Variants in CLASRP observed in about 807,000 individuals in gnomAD.
CLASRP encodes CLK4 associating serine/arginine rich protein, also known as CLK4-associating serine/arginine rich protein.
CLASRP carries 52 observed loss-of-function variants against 99.9 expected under a neutral mutation model. That is an observed-to-expected ratio of 0.52 (90% CI 0.42 to 0.66). CLASRP has a LOEUF of 0.66. CLASRP is among the 30% of genes least tolerant of loss of function. The pLI, the probability that CLASRP is intolerant of heterozygous loss-of-function variation, is 0.00. For missense variants in CLASRP, 848 were observed against 999.2 expected (o/e 0.85, Z 2.04); for synonymous variants, 379 against 373.0 (o/e 1.02, Z -0.18).
chr19:45,043,381 C>T (rs1381405604), intron 2 of CLASRP, among the ~76,000 whole-genome samples: 4 of 129,126 alleles, frequency 3.1e-5, no homozygotes, highest in Non-Finnish European at 6.2e-5. Flanking sequence ...CACTGCACTC[C>T]AGCCTGGGCG....
intron 18 of CLASRP, 113 bp downstream of exon 18, chr19:45,069,361 A>T: frequency 9.3e-7 from 1 of 1,074,234 alleles, no homozygotes; most frequent in East Asian, 2.5e-5. Flanking sequence ...GATGAAAGGC[A>T]GAGATCCCTG....
chr19:45,067,969 C>G lies in CLASRP; in HGVS notation c.1668-46C>G. 7.0e-7 allele frequency: 1 copy of G among 1,435,024 alleles called. No homozygotes were observed. The highest frequency in any genetic ancestry group is 9.8e-7 in the Non-Finnish European group (1 of 1,017,076). 88.9% of individuals were successfully genotyped at this position (1,435,024 alleles called of 1,614,324 possible). On this transcript the variant is annotated intron_variant, in intron 14 of 20. Coordinates refer to ENST00000221455, the MANE Select transcript of CLASRP (RefSeq NM_007056.3). The surrounding 1 kb of genome is among the most constrained non-coding windows in gnomAD (Gnocchi z 4.9). ...AGGCTGGGGTCAGAGGTGGCAGCTG[C>G]CCTTTCCCCCTCCCAACCATGTCCT...
Position 45,052,067 on chromosome 19 carries a change from G to A in CLASRP, c.100-4G>A. 1 of 1,613,584 alleles carries A rather than the reference G, an allele frequency of 6.2e-7. No homozygotes were observed. The highest frequency in any genetic ancestry group is 8.5e-7 in the Non-Finnish European group (1 of 1,179,818). ...GGTGACCTCAGTCCTGTTTACCCCT[G>A]CAGAAGAAGGACCCAGCCCAGTTCC... On this transcript the variant is annotated splice_region_variant and splice_polypyrimidine_tract_variant and intron_variant, in intron 2 of 20. Coordinates refer to ENST00000221455, the MANE Select transcript of CLASRP (RefSeq NM_007056.3).
rs1410502736 is a variant in CLASRP at position 45,064,107 on chromosome 19, G to A, written c.1001G>A (p.Gly334Asp). 4.3e-6 allele frequency: 7 copies of A among 1,611,914 alleles called. No individual in the cohort carries two copies. The highest frequency in any genetic ancestry group is 5.9e-6 in the Non-Finnish European group (7 of 1,179,742). Reference protein sequence around the residue: ...EKITFITSFGGSDEEAAAAAA... With the variant: ...EKITFITSFGDSDEEAAAAAA... ...ATCACGTTCATCACCAGTTTTGGGG[G>A]CAGCGATGAGGAGGCAGCCGCAGCC... The change falls in exon 12 of 21, where the codon GGC (glycine) becomes GAC (aspartate). Residue 334 changes from glycine (G) to aspartate (D), a missense_variant. This residue lies in a region of CLASRP where 489 missense variants were observed against 434.7 expected (regional missense o/e 1.12). Coordinates refer to ENST00000221455, the MANE Select transcript of CLASRP (RefSeq NM_007056.3).
intron 10 of CLASRP, 33 bp from the exon 11 acceptor site, chr19:45,062,121 C>T (rs749173386): frequency 4.5e-6 from 6 of 1,336,826 alleles, no homozygotes; most frequent in African/African-American, 1.4e-5. Context: ...ATCTTAAGCC[C>T]TAATTTGTCC....
intron 5 of CLASRP, among the ~76,000 whole-genome samples, chr19:45,053,884 T>C (rs1201763360): frequency 1.3e-5 from 2 of 152,152 alleles, no homozygotes; most frequent in Non-Finnish European, 2.9e-5. Flanking sequence ...GCCTCCCAAA[T>C]TGCTGGGATT....
rs565600159 is a variant in CLASRP at position 45,063,436 on chromosome 19, CTTTTTTTTTTTT to C, written c.906-560_906-549del. Among the ~76,000 whole-genome samples the C allele has an allele frequency of 4.5e-4, 19 of 42,390 alleles. No homozygotes were observed. In the South Asian group the frequency reaches 5.0e-3, roughly 11 times the overall value. The allele number at this position is 42,390 out of a possible 152,430, so 27.8% of individuals were successfully genotyped here. A position where few individuals can be genotyped will look rare whatever the true frequency, so the allele number is the denominator to read the frequency against. ...GTGTTTTGTACAGAGATCTGCTTAT[CTTTTTTTTTTTT>C]TTTTTTTTTTTTTTTGAGACGGAGT... On this transcript the variant is annotated intron_variant, in intron 11 of 20. Transcript: ENST00000221455.
chr19:45,066,119 T>G (rs1188436354), intron 13 of CLASRP, among the ~76,000 whole-genome samples: 1 of 152,002 alleles, frequency 6.6e-6, no homozygotes, highest in East Asian at 2.0e-4. Context: ...ATAGCTCTTG[T>G]TTCCTTTACT....
At chr19:45,069,629 C>T (rs1027113703) in intron 18 of CLASRP, 1 of 458,110 alleles carries the variant, frequency 2.2e-6, no homozygotes, top group African/African-American at 2.0e-5. Context: ...ACTGTCCCAC[C>T]TCACAGGCTG....
chr19:45,064,278 A>G, intron 12 of CLASRP, 51 bp downstream of exon 12: 1 of 1,523,518 alleles, frequency 6.6e-7, no homozygotes, highest in Non-Finnish European at 8.8e-7. Context: ...CATGGGGGGT[A>G]CCCGGGGCAG....
chr19:45,070,839 A>C lies in CLASRP; in HGVS notation c.2019A>C (p.Arg673=), dbSNP rs1469231247. The part of the protein sequence containing the change: ...SRSRSRSPHY[R]H ...CCCGATCCCGAAGCCCCCATTACCG[A>C]CATTAGGCAGAAGAGTGGGGGGTGG... is the stretch of plus-strand genomic sequence containing the variant. Residue 673 remains arginine, a synonymous_variant, in exon 21 of 21, where the codon CGA becomes CGC. Transcript: ENST00000221455. The C allele has an allele frequency of 3.8e-6, 6 of 1,585,600 alleles. No homozygotes were observed. The highest frequency in any genetic ancestry group is 4.3e-6 in the Non-Finnish European group (5 of 1,157,828).
At chr19:45,053,937 C>T (rs902253558) in intron 5 of CLASRP, among the ~76,000 whole-genome samples, 3 of 152,132 alleles carry the variant, frequency 2.0e-5, no homozygotes, top group African/African-American at 7.2e-5. Flanking sequence ...AGATTTTTTA[C>T]CTCTGTGTAT....
intron 20 of CLASRP, 103 bp downstream of exon 20, chr19:45,070,664 G>T: frequency 7.6e-7 from 1 of 1,319,066 alleles, no homozygotes; most frequent in South Asian, 1.2e-5. Context: ...CCCACCTCCA[G>T]TTGGAGGGGC....
intron 8 of CLASRP, 122 bp downstream of exon 8, chr19:45,059,486 G>A: frequency 2.5e-6 from 2 of 815,546 alleles, no homozygotes; most frequent in Non-Finnish European, 4.0e-6. Flanking sequence ...CCTGGGCCCA[G>A]GACTTTACAC....
chr19:45,062,102 A>G, intron 10 of CLASRP, 52 bp from the exon 11 acceptor site: 1 of 1,081,882 alleles, frequency 9.2e-7, no homozygotes, highest in Admixed American at 1.8e-5. Context: ...CAAATTCATG[A>G]CTGCTGAGAT....
Position 45,064,754 on chromosome 19 carries a change from C to G in CLASRP, c.1409+124C>G, listed in dbSNP as rs1967044050. 34 of 1,427,080 alleles carry G rather than the reference C, an allele frequency of 2.4e-5. 1 individual carries two copies. In the South Asian group the frequency reaches 4.7e-4, roughly 20 times the overall value. 88.4% of individuals were successfully genotyped at this position (1,427,080 alleles called of 1,614,324 possible). On this transcript the variant is annotated intron_variant, in intron 13 of 20. Transcript: ENST00000221455. ...TCAGAGAACACCCCATCTAAGGGGA[C>G]AGGCACAGGCCACTGCTCTTCCGCA...
chr19:45,060,771 G>A lies in CLASRP; in HGVS notation c.863+144G>A, dbSNP rs527841192. 122 of 692,046 alleles carry A rather than the reference G, an allele frequency of 1.8e-4. No individual in the cohort carries two copies. In the East Asian group the frequency reaches 3.1e-3, roughly 17 times the overall value. The allele number at this position is 692,046 out of a possible 1,614,324, so 42.9% of individuals were successfully genotyped here. A position where few individuals can be genotyped will look rare whatever the true frequency, so the allele number is the denominator to read the frequency against. On this transcript the variant is annotated intron_variant, in intron 10 of 20. Coordinates refer to ENST00000221455, the MANE Select transcript of CLASRP (RefSeq NM_007056.3). The surrounding 1 kb of genome is among the most constrained non-coding windows in gnomAD (Gnocchi z 4.6). ...GGGGCGATGCATGGCCATCGTGAAG[G>A]TTTAGAGGTAGGAACGGCCTTGAGG...
intron 7 of CLASRP, 57 bp from the exon 8 acceptor site, chr19:45,059,211 C>T: frequency 6.8e-7 from 1 of 1,465,018 alleles, no homozygotes; most frequent in Admixed American, 1.9e-5. Flanking sequence ...AGCACTGCCC[C>T]TTCTCCCCTG....
Position 45,064,147 on chromosome 19 carries a change from A to G in CLASRP, c.1041A>G (p.Ala347=). 1 of 1,611,380 alleles carries G rather than the reference A, an allele frequency of 6.2e-7. No individual in the cohort carries two copies. The highest frequency in any genetic ancestry group is 1.7e-4 in the Middle Eastern group (1 of 6,058). ...EEAAAAAAAA[A]ASGVTTGKPP... Reference sequence around the variant, plus strand: ...CAGCCGCAGCCGCTGCTGCCGCAGCAGCATCAGGAGTCACCACAGGGAAGC... The same window carrying G: ...CAGCCGCAGCCGCTGCTGCCGCAGCGGCATCAGGAGTCACCACAGGGAAGC... The change falls in exon 12 of 21, where the codon GCA becomes GCG. Residue 347 remains alanine (A), a synonymous_variant. Coordinates refer to ENST00000221455, the MANE Select transcript of CLASRP (RefSeq NM_007056.3).
Sources: gnomAD v4.1 joint callset for allele counts (sites outside exome capture counted in the v4.1 genomes callset) on GRCh38, gnomAD v4.1.1 for gene constraint, gnomAD v4.1.1 regional missense constraint, Gnocchi (gnomAD v3.1) non-coding constraint, MANE v1.5 for transcripts, NCBI Gene and HGNC (gene_info 2026-07-23, HGNC 2026-07-21) for gene names.